Variants in PLCZ1 observed in about 807,000 individuals in gnomAD.
PLCZ1 encodes phospholipase C zeta 1.
Under a neutral mutation model 76.8 loss-of-function variants are expected in PLCZ1, and 64 were observed. The observed-to-expected ratio is 0.83, with a 90% CI of 0.68 to 1.03. PLCZ1 has a LOEUF of 1.03. Ranked by LOEUF, PLCZ1 falls within the 50% of genes least tolerant of loss-of-function variation. PLCZ1 has a pLI of 0.00. For missense variants in PLCZ1, 751 were observed against 713.7 expected (o/e 1.05, Z -0.60); for synonymous variants, 248 against 230.8 (o/e 1.07, Z -0.68).
At chr12:18,658,460 C>T in the PLCZ1 span, among the ~76,000 whole-genome samples, 1 of 152,126 alleles carries the variant, frequency 6.6e-6, no homozygotes, top group Non-Finnish European at 1.5e-5. Context: ...TCATTATGCA[C>T]AAGAAATCCT....
intron 4 of PLCZ1, among the ~76,000 whole-genome samples, chr12:18,721,178 T>C (rs1320786606): frequency 2.0e-5 from 3 of 152,078 alleles, no homozygotes; most frequent in African/African-American, 7.2e-5. Context: ...TAAATATCTT[T>C]GGTAATGGAA....
At chr12:18,708,808 CT>C (rs1413793056) in intron 6 of PLCZ1, among the ~76,000 whole-genome samples, 1 of 152,026 alleles carries the variant, frequency 6.6e-6, no homozygotes, top group Non-Finnish European at 1.5e-5. Flanking sequence ...ATTTTTATGT[CT>C]TCTTTGGAGA....
At chr12:18,701,434 A>C (rs1955899189) in intron 9 of PLCZ1, 67 bp downstream of exon 9, 1 of 1,605,306 alleles carries the variant, frequency 6.2e-7, no homozygotes, top group African/African-American at 1.3e-5. Flanking sequence ...ATTTTAAAAA[A>C]ATCTCCAAGA....
chr12:18,730,666 T>C (rs1329001843), intron 3 of PLCZ1, among the ~76,000 whole-genome samples: 1 of 152,294 alleles, frequency 6.6e-6, no homozygotes, highest in Admixed American at 6.5e-5. Flanking sequence ...GCCATTTCCG[T>C]ACTTTTATAA....
At position 18,694,239 on chromosome 12, in the gene PLCZ1, T is replaced by C. The variant is rs117516235; in HGVS notation, c.1461+671A>G. The C allele has an allele frequency of 8.1e-3, 4,867 of 602,756 alleles. 36 individuals carry two copies. The highest frequency in any genetic ancestry group is 0.022 in the Middle Eastern group (47 of 2,178). The allele number at this position is 602,756 out of a possible 1,614,324, so 37.3% of individuals were successfully genotyped here. On this transcript the variant is annotated intron_variant, in intron 12 of 14. Transcript: ENST00000266505. Reference sequence around the variant, plus strand: ...ACATCCTGTGTCTTTTGGAGTACGATGTGTAAGTGCCCACTGGGTGGCCTG... The same window carrying C: ...ACATCCTGTGTCTTTTGGAGTACGACGTGTAAGTGCCCACTGGGTGGCCTG...
At position 18,736,145 on chromosome 12, in the gene PLCZ1, C is replaced by A. The variant is rs148581806; in HGVS notation, c.135+76G>T. The A allele has an allele frequency of 6.6e-6, 10 of 1,520,774 alleles. No homozygotes were observed. The African/African-American group carries it at 1.4e-4, about 21-fold the overall frequency. 94.2% of individuals were successfully genotyped at this position (1,520,774 alleles called of 1,614,324 possible). ...ATTGCTTTTCTTCTTAAGAGACTAA[C>A]CTTTATATGACAATTACTGACATTG... On this transcript the variant is annotated intron_variant, in intron 3 of 14. Coordinates refer to ENST00000266505, the MANE Select transcript of PLCZ1 (RefSeq NM_033123.4).
At position 18,688,118 on chromosome 12, in the gene PLCZ1, T is replaced by A. The variant is rs777524015; in HGVS notation, c.1562A>T (p.Lys521Met). 1 of 1,611,592 alleles carries A rather than the reference T, an allele frequency of 6.2e-7. No individual in the cohort carries two copies. Among genetic ancestry groups the A allele is most frequent in the African/African-American group, 1.3e-5 (1 of 74,824 alleles). Residue 521 changes from lysine to methionine, a missense_variant, in exon 13 of 15, where the codon AAG becomes ATG. By Grantham distance (95) the Lys-to-Met change is moderately conservative. Transcript: ENST00000266505. ...TTTTTTAATTACACGAGTCTGCTGC[T>A]TCATTTGATCATTTGGAACACCAAA... ...EVFGVPNDQM[K>M]QQTRVIKKNA...
intron 13 of PLCZ1, 82 bp downstream of exon 13, chr12:18,688,007 C>G: frequency 6.4e-7 from 1 of 1,556,830 alleles, no homozygotes; most frequent in Non-Finnish European, 8.7e-7. Context: ...TAAATATGTA[C>G]AAAAACTCTA....
At chr12:18,725,117 A>G (rs1296090462) in intron 3 of PLCZ1, among the ~76,000 whole-genome samples, 1 of 152,166 alleles carries the variant, frequency 6.6e-6, no homozygotes, top group African/African-American at 2.4e-5. Flanking sequence ...TCAAAGTCAA[A>G]TGTTAATCAA....
At chr12:18,712,042 TAGG>T (rs1207917490) in intron 6 of PLCZ1, among the ~76,000 whole-genome samples, 1 of 152,186 alleles carries the variant, frequency 6.6e-6, no homozygotes, top group African/African-American at 2.4e-5. Context: ...TGTATTGACA[TAGG>T]AGAACTTTAT....
At chr12:18,653,259 C>T in the PLCZ1 span, among the ~76,000 whole-genome samples, 5 of 152,120 alleles carry the variant, frequency 3.3e-5, no homozygotes, top group African/African-American at 1.2e-4. Flanking sequence ...TCATTAGTCA[C>T]ATATTACCCA....
At chr12:18,732,796 G>A (rs542633534) in intron 3 of PLCZ1, among the ~76,000 whole-genome samples, 4 of 152,188 alleles carry the variant, frequency 2.6e-5, no homozygotes, top group Middle Eastern at 3.4e-3. Context: ...CAAATAACAA[G>A]ATATTCTTTA....
At chr12:18,686,847 G>A (rs1953228529) in intron 13 of PLCZ1, among the ~76,000 whole-genome samples, 1 of 152,032 alleles carries the variant, frequency 6.6e-6, no homozygotes, top group Non-Finnish European at 1.5e-5. Context: ...CATAGCAGAG[G>A]CTCAGTAATG....
chr12:18,670,428 G>T, the PLCZ1 span, among the ~76,000 whole-genome samples: 1 of 151,816 alleles, frequency 6.6e-6, no homozygotes, highest in Non-Finnish European at 1.5e-5. Context: ...TTTTTAAAGG[G>T]GAGCAAACAA....
intron 13 of PLCZ1, 121 bp downstream of exon 13, chr12:18,687,968 A>C: frequency 7.5e-7 from 1 of 1,339,516 alleles, no homozygotes; most frequent in Non-Finnish European, 1.0e-6. Flanking sequence ...AATTTTGGAC[A>C]TAATGGAAAA....
At chr12:18,709,007 T>G (rs984451471) in intron 6 of PLCZ1, among the ~76,000 whole-genome samples, 2 of 152,218 alleles carry the variant, frequency 1.3e-5, no homozygotes, top group Non-Finnish European at 1.5e-5. Flanking sequence ...GTGCAAAAGC[T>G]TATTAGTTTG....
intron 6 of PLCZ1, among the ~76,000 whole-genome samples, chr12:18,711,076 T>C (rs933113945): frequency 6.6e-6 from 1 of 151,930 alleles, no homozygotes; most frequent in African/African-American, 2.4e-5. Context: ...TATAAAGACA[T>C]ATGCACATAT....
the PLCZ1 span, among the ~76,000 whole-genome samples, chr12:18,650,293 T>TTCTCTCTC: frequency 9.1e-5 from 8 of 87,732 alleles, no homozygotes; most frequent in East Asian, 8.7e-4. Context: ...TAACCCAAAT[T>TTCTCTCTC]TCTCTCTCTC....
Position 18,736,283 on chromosome 12 carries a change from G to C in PLCZ1, c.73C>G (p.Gln25Glu), listed in dbSNP as rs1219478779. ...ATATCTAATTTTTCAAGTAACCTCTGAGTTTTTTCTAGGTTAATTTTTCCA... is the reference window on the plus strand; with the variant it reads ...ATATCTAATTTTTCAAGTAACCTCTCAGTTTTTTCTAGGTTAATTTTTCCA... ...RGGKINLEKT[Q>E]RLLEKLDIRC... The change falls in exon 3 of 15, where the codon CAG (glutamine) becomes GAG (glutamate). Residue 25 changes from glutamine (Q) to glutamate (E), a missense_variant. Gln to Glu is a conservative substitution (Grantham distance 29, BLOSUM62 2). Coordinates refer to ENST00000266505, the MANE Select transcript of PLCZ1 (RefSeq NM_033123.4). 1.2e-6 allele frequency: 2 copies of C among 1,612,528 alleles called. No homozygotes were observed. Among genetic ancestry groups the C allele is most frequent in the Admixed American group, 1.7e-5 (1 of 59,950 alleles).
Sources: gnomAD v4.1 joint callset for allele counts (sites outside exome capture counted in the v4.1 genomes callset) on GRCh38, gnomAD v4.1.1 for gene constraint, MANE v1.5 for transcripts, NCBI Gene and HGNC (gene_info 2026-07-23, HGNC 2026-07-21) for gene names.